The following C1orf198 variants were observed in gnomAD, a reference collection of about 807,000 sequenced individuals.
The protein encoded by C1orf198 is uncharacterized protein C1orf198.
A neutral mutation model predicts 31.4 loss-of-function variants in C1orf198; 17 were observed. The observed-to-expected ratio is 0.54, with a 90% CI of 0.37 to 0.81. The LOEUF (loss-of-function observed/expected upper bound fraction) is 0.81, where lower values mean the gene tolerates loss of function less well. Ranked by LOEUF, C1orf198 falls within the 40% of genes least tolerant of loss-of-function variation. The pLI is 0.00. For missense variants in C1orf198, 401 were observed against 450.3 expected, an observed-to-expected ratio of 0.89 and a Z score of 0.99; for synonymous variants, 175 against 193.8, an observed-to-expected ratio of 0.90 and a Z score of 0.81.
At chr1:230,846,789 C>T (rs1414097316) in intron 2 of C1orf198, among the ~76,000 whole-genome samples, 4 of 151,826 alleles carry the variant, frequency 2.6e-5, no homozygotes, top group South Asian at 2.1e-4. Flanking sequence ...GGTGAAACCC[C>T]GTCTCTACTA....
In C1orf198 at chr1:230,843,298, T is replaced by C. The variant is rs1243380455; in HGVS notation, c.927+56A>G. 5 of 1,528,070 alleles carry C rather than the reference T, an allele frequency of 3.3e-6. No homozygotes were observed. The Admixed American group carries it at 1.0e-4, about 32-fold the overall frequency. The allele number at this position is 1,528,070 out of a possible 1,614,324, so 94.7% of individuals were successfully genotyped here. A position where few individuals can be genotyped will look rare whatever the true frequency, so the allele number is the denominator to read the frequency against. ...CCTGCTTTGTGGGGGACCCTCTCGG[T>C]TCCCGTGGAATAAGGCACCATCCCA... is the stretch of plus-strand genomic sequence containing the variant. On this transcript the variant is annotated intron_variant, in intron 3 of 3. Coordinates refer to ENST00000366663, the MANE Select transcript of C1orf198 (RefSeq NM_032800.3). The surrounding 1 kb of genome is among the most constrained non-coding windows in gnomAD (Gnocchi z 4.9).
intron 1 of C1orf198, among the ~76,000 whole-genome samples, chr1:230,860,784 C>T (rs538397119): frequency 5.3e-5 from 8 of 152,254 alleles, no homozygotes; most frequent in South Asian, 2.1e-4. Flanking sequence ...AAATAATACA[C>T]GAGTTCTGGA....
In C1orf198 at chr1:230,841,410, A is replaced by G. The variant is rs147030845; in HGVS notation, c.928-1502T>C. 4.7e-3 allele frequency among the ~76,000 whole-genome samples: 717 copies of G among 152,320 alleles called. 8 individuals carry two copies. Among genetic ancestry groups the G allele is most frequent in the Middle Eastern group, 0.02 (6 of 294 alleles). On this transcript the variant is annotated intron_variant, in intron 3 of 3. Transcript: ENST00000366663. ...AAGTACTGGAAACCTGCTCTGGGGG[A>G]CATTCAATGTTATCAGTGATGATCT...
intron 1 of C1orf198, among the ~76,000 whole-genome samples, chr1:230,861,295 T>C (rs1315234974): frequency 6.6e-6 from 1 of 152,238 alleles, no homozygotes; most frequent in Non-Finnish European, 1.5e-5. Flanking sequence ...CACGTCTGTG[T>C]GTACATTTTG....
At chr1:230,869,073 C>A (rs1040092611), upstream of C1orf198, 1 of 152,444 alleles carries the variant, frequency 6.6e-6, no homozygotes, top group African/African-American at 2.4e-5. Context: ...TGGGCCCGTC[C>A]AGGACGCTGG....
chr1:230,846,936 T>C (rs1669603917), intron 2 of C1orf198, among the ~76,000 whole-genome samples: 1 of 151,694 alleles, frequency 6.6e-6, no homozygotes, highest in Admixed American at 6.6e-5. Context: ...ACCCCGTCTC[T>C]ACTAAAAATA....
chr1:230,841,305 T>C (rs1239482138), intron 3 of C1orf198, among the ~76,000 whole-genome samples: 7 of 152,072 alleles, frequency 4.6e-5, no homozygotes. Context: ...GGAGCCGAGG[T>C]GGGCAGAAGG....
In C1orf198 at chr1:230,843,456, C is replaced by T; in HGVS notation, c.825G>A (p.Leu275=). ...CGAGCTGGGAGGGGGCAGCCTCGTG[C>T]AGTGCACTGCTGAAGGCCTGGACAG... ...PQPVQAFSSA[L]HEAAPSQLEG... Residue 275 remains leucine, a synonymous_variant, in exon 3 of 4, where the codon CTG becomes CTA. Coordinates refer to ENST00000366663, the MANE Select transcript of C1orf198 (RefSeq NM_032800.3). The surrounding 1 kb of genome is among the most constrained non-coding windows in gnomAD (Gnocchi z 4.9). 1 of 1,607,244 alleles carries T rather than the reference C, an allele frequency of 6.2e-7. No homozygotes were observed. The highest frequency in any genetic ancestry group is 1.1e-5 in the South Asian group (1 of 89,980).
intron 1 of C1orf198, among the ~76,000 whole-genome samples, chr1:230,862,687 C>T (rs1462068624): frequency 6.6e-6 from 1 of 152,106 alleles, no homozygotes; most frequent in East Asian, 1.9e-4. Flanking sequence ...GTTAAAATAT[C>T]GTTGGTTGCC....
chr1:230,855,037 C>T (rs1669838653), intron 2 of C1orf198, among the ~76,000 whole-genome samples: 1 of 152,058 alleles, frequency 6.6e-6, no homozygotes, highest in Non-Finnish European at 1.5e-5. Context: ...TATTTCTGTC[C>T]CTTGGGTTAA....
chr1:230,867,902 G>C (rs992637523), intron 1 of C1orf198, among the ~76,000 whole-genome samples: 1 of 152,102 alleles, frequency 6.6e-6, no homozygotes, highest in Non-Finnish European at 1.5e-5. Flanking sequence ...CGACAGCTCC[G>C]GGAGAAGTCT....
In C1orf198 at chr1:230,845,222, A is replaced by G. The variant is rs1669556029; in HGVS notation, c.385-1326T>C. Among the ~76,000 whole-genome samples, 5 of 151,292 alleles carry G rather than the reference A, an allele frequency of 3.3e-5. No homozygotes were observed. In the South Asian group the frequency reaches 1.0e-3, roughly 32 times the overall value. On this transcript the variant is annotated intron_variant, in intron 2 of 3. Coordinates refer to ENST00000366663, the MANE Select transcript of C1orf198 (RefSeq NM_032800.3). ...TACTAAAAATTAAAAAAATTAAAAA[A>G]AAAAAAAAAAAAGGCCAGGCATGAT...
intron 1 of C1orf198, among the ~76,000 whole-genome samples, chr1:230,867,867 T>C (rs986975847): frequency 5.3e-5 from 8 of 152,138 alleles, no homozygotes; most frequent in Admixed American, 3.9e-4. Context: ...TTGCTTGTTG[T>C]TTCCACTTTG....
intron 2 of C1orf198, among the ~76,000 whole-genome samples, chr1:230,846,120 T>G (rs972860935): frequency 2.6e-5 from 4 of 152,270 alleles, no homozygotes; most frequent in African/African-American, 9.6e-5. Flanking sequence ...TTCCCCATTT[T>G]GGGTTAATTT....
At chr1:230,855,967 A>G in intron 1 of C1orf198, 1 of 1,299,282 alleles carries the variant, frequency 7.7e-7, no homozygotes, top group Non-Finnish European at 9.8e-7. Context: ...AATGCCGGTG[A>G]GGCCCCCCAA....
Position 230,840,160 on chromosome 1 carries a change from C to T in C1orf198, c.928-252G>A, listed in dbSNP as rs1164440214. On this transcript the variant is annotated intron_variant, in intron 3 of 3. Coordinates refer to ENST00000366663, the MANE Select transcript of C1orf198 (RefSeq NM_032800.3). The surrounding 1 kb of genome is among the most constrained non-coding windows in gnomAD (Gnocchi z 4.0). ...GCATGTCTGTGAGCAGCTTACAGAC[C>T]TTACAGAGAAAAGAACAATGTCTCT... Among the ~76,000 whole-genome samples the T allele has an allele frequency of 6.6e-6, 1 of 152,120 alleles. No homozygotes were observed. The highest frequency in any genetic ancestry group is 2.4e-5 in the African/African-American group (1 of 41,416).
At chr1:230,847,501 A>G (rs150518988) in intron 2 of C1orf198, among the ~76,000 whole-genome samples, 26 of 152,238 alleles carry the variant, frequency 1.7e-4, no homozygotes, top group African/African-American at 5.8e-4. Flanking sequence ...TTCAACCTGG[A>G]TTGAGAGATT....
intron 2 of C1orf198, among the ~76,000 whole-genome samples, chr1:230,844,222 T>C (rs1267697147): frequency 6.6e-6 from 1 of 151,972 alleles, no homozygotes; most frequent in Non-Finnish European, 1.5e-5. Flanking sequence ...CAGGGGCGGA[T>C]GTTGTCTTCA....
intron 2 of C1orf198, among the ~76,000 whole-genome samples, chr1:230,846,934 T>C (rs1164685331): frequency 6.6e-6 from 1 of 150,654 alleles, no homozygotes; most frequent in African/African-American, 2.5e-5. Flanking sequence ...AAACCCCGTC[T>C]CTACTAAAAA....
Sources: gnomAD v4.1 joint callset for allele counts (sites outside exome capture counted in the v4.1 genomes callset) on GRCh38, gnomAD v4.1.1 for gene constraint, Gnocchi (gnomAD v3.1) non-coding constraint, MANE v1.5 for transcripts, NCBI Gene and HGNC (gene_info 2026-07-23, HGNC 2026-07-21) for gene names.